LRRTM4: variants seen among roughly 807,000 people sequenced by gnomAD.
LRRTM4 encodes leucine-rich repeat transmembrane neuronal protein 4.
A neutral mutation model predicts 47.6 loss-of-function variants in LRRTM4; 25 were observed. The ratio of observed to expected loss-of-function variants is 0.53; its 90% CI spans 0.38 to 0.73. The LOEUF (loss-of-function observed/expected upper bound fraction) is 0.73. LRRTM4 is among the 30% of genes least tolerant of loss of function. The pLI, the probability that LRRTM4 is intolerant of heterozygous loss-of-function variation, is 0.00. For missense variants in LRRTM4, 638 were observed against 713.4 expected, an observed-to-expected ratio of 0.89 and a Z score of 1.20; for synonymous variants, 311 against 269.5, an observed-to-expected ratio of 1.15 and a Z score of -1.51.
At chr2:77,312,222 C>A (rs959425032) in intron 3 of LRRTM4, among the ~76,000 whole-genome samples, 2 of 152,072 alleles carry the variant, frequency 1.3e-5, no homozygotes. Flanking sequence ...GTGTGTAATT[C>A]CACAGTATTA....
chr2:77,274,098 A>C (rs1558663532), intron 3 of LRRTM4, among the ~76,000 whole-genome samples: 1 of 152,004 alleles, frequency 6.6e-6, no homozygotes, highest in Non-Finnish European at 1.5e-5. Flanking sequence ...CAAAGCCCTC[A>C]CACTCTGTTA....
At chr2:77,100,269 T>G (rs778218548) in intron 3 of LRRTM4, among the ~76,000 whole-genome samples, 18 of 152,198 alleles carry the variant, frequency 1.2e-4, no homozygotes, top group Non-Finnish European at 2.4e-4. Flanking sequence ...CAGATAACAC[T>G]CATAATACCT....
At position 76,865,536 on chromosome 2, in the gene LRRTM4, T is replaced by A. The variant is rs141642252; in HGVS notation, c.1552-116620A>T. Among the ~76,000 whole-genome samples, 1,273 of 152,312 alleles carry A rather than the reference T, an allele frequency of 8.4e-3. 23 individuals are homozygous for A. Among genetic ancestry groups the A allele is most frequent in the African/African-American group, 0.029 (1,196 of 41,570 alleles). On this transcript the variant is annotated intron_variant, in intron 3 of 3. Coordinates refer to ENST00000409884, the MANE Select transcript of LRRTM4 (RefSeq NM_001134745.3). ...GAGAAAGTATTAGACTTTCATCAAA[T>A]GCTGATCCCTAATTTGGAGACATTT...
chr2:77,401,628 G>A (rs967691397), intron 3 of LRRTM4, among the ~76,000 whole-genome samples: 8 of 151,844 alleles, frequency 5.3e-5, no homozygotes, highest in African/African-American at 1.2e-4. Context: ...TTTAAATATT[G>A]TATTTTTAAA....
intron 3 of LRRTM4, among the ~76,000 whole-genome samples, chr2:76,845,216 T>G (rs977889908): frequency 6.6e-6 from 1 of 152,062 alleles, no homozygotes; most frequent in African/African-American, 2.4e-5. Context: ...TGTGGCCTCG[T>G]GCGGTGGCTC....
chr2:77,385,573 A>T (rs943029103), intron 3 of LRRTM4, among the ~76,000 whole-genome samples: 3 of 152,144 alleles, frequency 2.0e-5, no homozygotes, highest in Non-Finnish European at 4.4e-5. Flanking sequence ...CTGAAGAAGT[A>T]TAATTTCTGA....
chr2:77,220,995 A>G (rs1406523496), intron 3 of LRRTM4, among the ~76,000 whole-genome samples: 1 of 152,232 alleles, frequency 6.6e-6, no homozygotes, highest in Non-Finnish European at 1.5e-5. Context: ...CATCAGACTA[A>G]CAGCTGATCT....
intron 3 of LRRTM4, among the ~76,000 whole-genome samples, chr2:77,412,147 C>T (rs1171938918): frequency 6.6e-6 from 1 of 152,134 alleles, no homozygotes; most frequent in Admixed American, 6.5e-5. Context: ...CAAGACCCAT[C>T]AACATGAATA....
At chr2:76,797,119 A>G (rs550458306) in intron 3 of LRRTM4, among the ~76,000 whole-genome samples, 1 of 152,198 alleles carries the variant, frequency 6.6e-6, no homozygotes, top group Non-Finnish European at 1.5e-5. Flanking sequence ...AGAGAATGCC[A>G]CAAAGATACT....
chr2:77,302,254 T>C (rs1334905404), intron 3 of LRRTM4, among the ~76,000 whole-genome samples: 1 of 152,198 alleles, frequency 6.6e-6, no homozygotes, highest in Non-Finnish European at 1.5e-5. Context: ...CACAACACCA[T>C]GCAGTCTTGC....
intron 3 of LRRTM4, among the ~76,000 whole-genome samples, chr2:77,101,614 C>A (rs752025964): frequency 1.3e-5 from 2 of 152,140 alleles, no homozygotes; most frequent in Non-Finnish European, 2.9e-5. Context: ...TATTGCCTGG[C>A]AGTCCAAAGC....
At chr2:77,120,209 C>T (rs1325672614) in intron 3 of LRRTM4, among the ~76,000 whole-genome samples, 1 of 151,794 alleles carries the variant, frequency 6.6e-6, no homozygotes, top group African/African-American at 2.4e-5. Context: ...GCTTAGAACT[C>T]ATCAGTAGTT....
chr2:77,028,053 T>C (rs1678514799), intron 3 of LRRTM4, among the ~76,000 whole-genome samples: 1 of 152,032 alleles, frequency 6.6e-6, no homozygotes, highest in Non-Finnish European at 1.5e-5. Context: ...TACAGACATG[T>C]CAGATTTGAT....
intron 3 of LRRTM4, among the ~76,000 whole-genome samples, chr2:76,882,114 G>T (rs1672947580): frequency 6.6e-6 from 1 of 152,028 alleles, no homozygotes; most frequent in South Asian, 2.1e-4. Flanking sequence ...CCGTTCAGAA[G>T]TTCATGCCAG....
At chr2:76,823,913 G>C (rs1425951232) in intron 3 of LRRTM4, among the ~76,000 whole-genome samples, 1 of 151,446 alleles carries the variant, frequency 6.6e-6, no homozygotes, top group Non-Finnish European at 1.5e-5. Context: ...CATGATGCAT[G>C]TCTTGTTGTT....
intron 3 of LRRTM4, among the ~76,000 whole-genome samples, chr2:76,904,189 T>C (rs1488200100): frequency 6.6e-6 from 1 of 152,220 alleles, no homozygotes; most frequent in African/African-American, 2.4e-5. Flanking sequence ...CTTGTTCTGC[T>C]CTATTACAAT....
At chr2:77,437,290 G>T (rs946861007) in intron 3 of LRRTM4, among the ~76,000 whole-genome samples, 1 of 151,990 alleles carries the variant, frequency 6.6e-6, no homozygotes, top group African/African-American at 2.4e-5. Context: ...GCAAGCATGA[G>T]AAATTTTAAA....
At chr2:77,450,298 C>T (rs1313951655) in intron 3 of LRRTM4, among the ~76,000 whole-genome samples, 2 of 151,780 alleles carry the variant, frequency 1.3e-5, no homozygotes, top group African/African-American at 4.8e-5. Context: ...CACACACACA[C>T]ACACACACAC....
intron 3 of LRRTM4, among the ~76,000 whole-genome samples, chr2:76,795,579 GCACACACA>G (rs753196049): frequency 2.2e-5 from 2 of 91,936 alleles, no homozygotes; most frequent in Non-Finnish European, 4.0e-5. Flanking sequence ...GCATATATAT[GCACACACA>G]CACATACACA....
Sources: gnomAD v4.1 joint callset for allele counts (sites outside exome capture counted in the v4.1 genomes callset) on GRCh38, gnomAD v4.1.1 for gene constraint, MANE v1.5 for transcripts, NCBI Gene and HGNC (gene_info 2026-07-23, HGNC 2026-07-21) for gene names.